The following MDFI variants were observed in gnomAD, a reference collection of about 807,000 sequenced individuals.
The protein encoded by MDFI is MyoD family inhibitor.
In MDFI, 16 loss-of-function variants were observed where a neutral mutation model predicts 22.3. The observed-to-expected ratio is 0.72, with a 90% CI of 0.49 to 1.09. The LOEUF (loss-of-function observed/expected upper bound fraction) is 1.09, where lower values mean the gene tolerates loss of function less well. MDFI is among the 50% of genes least tolerant of loss of function. MDFI has a pLI of 0.00. For synonymous variants in MDFI, 145 were observed against 142.7 expected (o/e 1.02, Z -0.12); for missense variants, 314 against 326.1 (o/e 0.96, Z 0.29).
chr6:41,639,627 G>A, intron 2 of MDFI: 1 of 985,456 alleles, frequency 1.0e-6, no homozygotes, highest in Non-Finnish European at 1.2e-6. Context: ...GGAGAAGTCA[G>A]GAACCTCTGG....
chr6:41,645,011 G>T (rs188733354), intron 2 of MDFI, among the ~76,000 whole-genome samples: 4 of 151,484 alleles, frequency 2.6e-5, no homozygotes, highest in Admixed American at 6.6e-5. Flanking sequence ...CTCTCCCTGC[G>T]CTCTTTTGGC....
rs3050047 is a variant in MDFI, at chr6:41,652,608, C to CTTTTT, written c.485-693_485-689dup. On this transcript the variant is annotated intron_variant, in intron 4 of 4. Transcript: ENST00000230321. ...GTGTAGACTTAACTACTCTCCCTCT[C>CTTTTT]TTTTTTTTTTTTTTTTTTTTTTGAG... 2.9e-3 allele frequency among the ~76,000 whole-genome samples: 246 copies of CTTTTT among 84,354 alleles called. 8 individuals carry two copies. Among genetic ancestry groups the CTTTTT allele is most frequent in the Non-Finnish European group, 3.5e-3 (167 of 47,182 alleles). 55.3% of individuals were successfully genotyped at this position (84,354 alleles called of 152,430 possible). A position where few individuals can be genotyped will look rare whatever the true frequency, so the allele number is the denominator to read the frequency against.
At chr6:41,650,507 C>T (rs1208054542) in intron 4 of MDFI, among the ~76,000 whole-genome samples, 1 of 152,056 alleles carries the variant, frequency 6.6e-6, no homozygotes, top group Admixed American at 6.5e-5. Flanking sequence ...GCAAAACACA[C>T]TTGCACATAA....
At chr6:41,652,136 T>G (rs1308266495) in intron 4 of MDFI, among the ~76,000 whole-genome samples, 1 of 152,100 alleles carries the variant, frequency 6.6e-6, no homozygotes, top group Non-Finnish European at 1.5e-5. Context: ...GTTGCGGTAT[T>G]GAAGCGGGTG....
At chr6:41,650,430 C>T (rs913906080) in intron 4 of MDFI, among the ~76,000 whole-genome samples, 1 of 152,194 alleles carries the variant, frequency 6.6e-6, no homozygotes, top group African/African-American at 2.4e-5. Context: ...TCAGTGATGG[C>T]CTGACCTTTA....
In MDFI at chr6:41,649,922, A is replaced by T; in HGVS notation, c.484+79A>T. The T allele has an allele frequency of 6.6e-6, 8 of 1,205,994 alleles. No individual in the cohort carries two copies. In the South Asian group the frequency reaches 1.1e-4, roughly 17 times the overall value. The allele number at this position is 1,205,994 out of a possible 1,614,324, so 74.7% of individuals were successfully genotyped here. ...GAAGCATGACGCATGGGCCCACTGG[A>T]GCACCTTCACCAGGCTGTTACTTAG... On this transcript the variant is annotated intron_variant, in intron 4 of 4. Transcript: ENST00000230321.
chr6:41,647,202 G>C (rs903262029), intron 3 of MDFI, among the ~76,000 whole-genome samples: 11 of 152,234 alleles, frequency 7.2e-5, no homozygotes, highest in East Asian at 1.9e-4. Context: ...GAGAGAAAGA[G>C]GTCAGCGCCT....
In MDFI at chr6:41,653,794, A is replaced by C. The variant is rs1267771681; in HGVS notation, c.*219A>C. 4 of 615,706 alleles carry C rather than the reference A, an allele frequency of 6.5e-6. No homozygotes were observed. The highest frequency in any genetic ancestry group is 2.8e-6 in the Non-Finnish European group (1 of 352,224). The allele number at this position is 615,706 out of a possible 1,614,324, so 38.1% of individuals were successfully genotyped here. A position where few individuals can be genotyped will look rare whatever the true frequency, so the allele number is the denominator to read the frequency against. On this transcript the variant is annotated 3_prime_UTR_variant, in exon 5 of 5. Coordinates refer to ENST00000230321, the MANE Select transcript of MDFI (RefSeq NM_005586.4). The surrounding 1 kb of genome is among the most constrained non-coding windows in gnomAD (Gnocchi z 4.2). ...GCCGTGGGTGGTGGGCCCATGGCAG[A>C]GAAGCCTGAACTCTTTACTGGGTTA...
chr6:41,642,067 G>C lies in MDFI; in HGVS notation c.76+3242G>C, dbSNP rs150947752. 8.5e-5 allele frequency among the ~76,000 whole-genome samples: 13 copies of C among 152,328 alleles called. No homozygotes were observed. The East Asian group carries it at 2.3e-3, about 27-fold the overall frequency. ...AATGAGAGTGTATTGAAGCAAAGGG[G>C]CTGTTGCCTTTCCGTATCTCCCCTT... On this transcript the variant is annotated intron_variant, in intron 2 of 4. Coordinates refer to ENST00000230321, the MANE Select transcript of MDFI (RefSeq NM_005586.4).
At chr6:41,644,886 TG>T (rs1767989097) in intron 2 of MDFI, among the ~76,000 whole-genome samples, 1 of 151,956 alleles carries the variant, frequency 6.6e-6, no homozygotes, top group African/African-American at 2.4e-5. Context: ...GCTTCCCTGC[TG>T]TTTCTCATCA....
At chr6:41,640,807 C>G (rs1052312204) in intron 2 of MDFI, among the ~76,000 whole-genome samples, 4 of 152,206 alleles carry the variant, frequency 2.6e-5, no homozygotes, top group Non-Finnish European at 4.4e-5. Context: ...CCTTGGCTCT[C>G]CTAGTGGCCT....
At chr6:41,645,907 A>G (rs1276603675) in intron 2 of MDFI, among the ~76,000 whole-genome samples, 3 of 152,058 alleles carry the variant, frequency 2.0e-5, no homozygotes, top group Non-Finnish European at 1.5e-5. Context: ...GCACACACTC[A>G]AATGCATGCA....
Position 41,653,813 on chromosome 6 carries a change from TG to T in MDFI, c.*241del. Reference sequence around the variant, plus strand: ...TGGCAGAGAAGCCTGAACTCTTTACTGGGTTACCAGGTTCATACATTGCTGA... The same window carrying T: ...TGGCAGAGAAGCCTGAACTCTTTACTGGTTACCAGGTTCATACATTGCTGA... On this transcript the variant is annotated 3_prime_UTR_variant, in exon 5 of 5. Transcript: ENST00000230321. The surrounding 1 kb of genome is among the most constrained non-coding windows in gnomAD (Gnocchi z 4.2). 1.9e-6 allele frequency: 1 copy of T among 533,624 alleles called. No homozygotes were observed. 33.1% of individuals were successfully genotyped at this position (533,624 alleles called of 1,614,324 possible). A position where few individuals can be genotyped will look rare whatever the true frequency, so the allele number is the denominator to read the frequency against.
In MDFI at chr6:41,638,809, C is replaced by T. The variant is rs1443478798; in HGVS notation, c.60C>T (p.Ser20=). ...SGCDAPYGAP[S]AAPGPAQTLS... ...GCGACGCGCCCTATGGAGCCCCCAG[C>T]GCAGCCCCGGGCCCAGGTAGGACCG... The change falls in exon 2 of 5, where the codon AGC becomes AGT. Residue 20 remains serine, a synonymous_variant. Transcript: ENST00000230321. This position sits in a 1 kb window ranked among gnomAD's most constrained non-coding sequence, Gnocchi z 7.6. 6.4e-7 allele frequency: 1 copy of T among 1,562,076 alleles called. No individual in the cohort carries two copies.
In MDFI at chr6:41,654,096, C is replaced by T. The variant is rs1163; in HGVS notation, c.*521C>T. 1,392 of 180,422 alleles carry T rather than the reference C, an allele frequency of 7.7e-3. 7 individuals carry two copies. The highest frequency in any genetic ancestry group is 0.022 in the Middle Eastern group (8 of 356). The allele number at this position is 180,422 out of a possible 1,614,324, so 11.2% of individuals were successfully genotyped here. A position where few individuals can be genotyped will look rare whatever the true frequency, so the allele number is the denominator to read the frequency against. Reference sequence around the variant, plus strand: ...TAGGCTTTTTTGGGGGCCTAACCCACGCAGTGACCCCAGAGGGCAGGGCTA... The same window carrying T: ...TAGGCTTTTTTGGGGGCCTAACCCATGCAGTGACCCCAGAGGGCAGGGCTA... On this transcript the variant is annotated 3_prime_UTR_variant, in exon 5 of 5. Transcript: ENST00000230321.
rs1404017852 is a variant in MDFI at position 41,649,853 on chromosome 6, C to A, written c.484+10C>A. Reference sequence around the variant, plus strand: ...CTCCAGGCACAGGAAGGTAAGCACCCATCCCATCTCTCCCTGGGAGAGGCC... The same window carrying A: ...CTCCAGGCACAGGAAGGTAAGCACCAATCCCATCTCTCCCTGGGAGAGGCC... On this transcript the variant is annotated intron_variant, in intron 4 of 4. Transcript: ENST00000230321. The A allele has an allele frequency of 2.5e-6, 4 of 1,610,100 alleles. No homozygotes were observed. The highest frequency in any genetic ancestry group is 1.7e-5 in the Admixed American group (1 of 59,814).
chr6:41,650,272 G>C (rs1768219806), intron 4 of MDFI, among the ~76,000 whole-genome samples: 1 of 152,212 alleles, frequency 6.6e-6, no homozygotes, highest in Admixed American at 6.5e-5. Context: ...TGCCAGGGCA[G>C]GGCTGCAAGG....
chr6:41,653,859 A>G lies in MDFI; in HGVS notation c.*284A>G. ...TGCTGAGGACCTGACAGGACAACCTAGGGGCAGGGCTGGGGTGGGGACCGC... is the reference window on the plus strand; with the variant it reads ...TGCTGAGGACCTGACAGGACAACCTGGGGGCAGGGCTGGGGTGGGGACCGC... On this transcript the variant is annotated 3_prime_UTR_variant, in exon 5 of 5. Coordinates refer to ENST00000230321, the MANE Select transcript of MDFI (RefSeq NM_005586.4). The surrounding 1 kb of genome is among the most constrained non-coding windows in gnomAD (Gnocchi z 4.2). The G allele has an allele frequency of 2.9e-6, 1 of 346,880 alleles. No individual in the cohort carries two copies. The highest frequency in any genetic ancestry group is 5.6e-6 in the Non-Finnish European group (1 of 180,024). 21.5% of individuals were successfully genotyped at this position (346,880 alleles called of 1,614,324 possible). A position where few individuals can be genotyped will look rare whatever the true frequency, so the allele number is the denominator to read the frequency against.
chr6:41,650,993 G>A (rs1168146999), intron 4 of MDFI, among the ~76,000 whole-genome samples: 4 of 151,978 alleles, frequency 2.6e-5, no homozygotes, highest in Admixed American at 6.5e-5. Flanking sequence ...ATCACCTGAG[G>A]TCAGGAGTTC....
Sources: allele counts gnomAD v4.1 joint callset (sites outside exome capture counted in the v4.1 genomes callset), GRCh38; gene constraint gnomAD v4.1.1; non-coding constraint Gnocchi (gnomAD v3.1); transcripts MANE v1.5; gene names NCBI Gene and HGNC (gene_info 2026-07-23, HGNC 2026-07-21).